The following RNF128 variants were observed in gnomAD, a reference collection of about 807,000 sequenced individuals.
The protein encoded by RNF128 is E3 ubiquitin-protein ligase RNF128.
Under a neutral mutation model 26.2 loss-of-function variants are expected in RNF128, and 13 were observed. The ratio of observed to expected loss-of-function variants is 0.50; its 90% CI spans 0.32 to 0.79. RNF128 has a LOEUF of 0.79. RNF128 is among the 30% of genes least tolerant of loss of function. RNF128 has a pLI of 0.03. For missense variants in RNF128, 315 were observed against 349.7 expected (o/e 0.90, Z 0.79); for synonymous variants, 149 against 142.5 (o/e 1.05, Z -0.32).
At chrX:106,749,029 G>T (rs1929834596) in intron 1 of RNF128, among the ~76,000 whole-genome samples, 1 of 111,098 alleles carries the variant, frequency 9.0e-6, no homozygotes, top group East Asian at 2.8e-4. Context: ...TTTAAAAAAG[G>T]AAGTGAATTT....
intron 3 of RNF128, among the ~76,000 whole-genome samples, chrX:106,785,951 A>T (rs187296807): frequency 8.9e-6 from 1 of 111,930 alleles, no homozygotes; most frequent in Non-Finnish European, 1.9e-5. Flanking sequence ...AACATATACC[A>T]TGTTCATGGG....
At chrX:106,736,365 A>T (rs1929596102) in intron 1 of RNF128, among the ~76,000 whole-genome samples, 1 of 111,580 alleles carries the variant, frequency 9.0e-6, no homozygotes, top group Admixed American at 9.6e-5. Context: ...TTTTCCTCTT[A>T]GAATGTATTT....
At chrX:106,732,050 A>G (rs1372686339) in intron 1 of RNF128, among the ~76,000 whole-genome samples, 1 of 111,504 alleles carries the variant, frequency 9.0e-6, no homozygotes, top group Non-Finnish European at 1.9e-5. Flanking sequence ...AAAGCTTTAT[A>G]TGTCTCTTCT....
rs1374630839 is a variant in RNF128 at position 106,727,024 on chromosome X, G to C, written c.111G>C (p.Arg37=). 12 of 1,205,072 alleles carry C rather than the reference G, an allele frequency of 1.0e-5. No individual in the cohort carries two copies. The highest frequency in any genetic ancestry group is 1.3e-5 in the Non-Finnish European group (12 of 893,020). The change falls in exon 1 of 7, where the codon CGG becomes CGC. Residue 37 remains arginine, a synonymous_variant. Transcript: ENST00000255499. ...LALSPQAPGS[R]GAEAVWTAYL... is the part of the protein sequence containing the mutation. ...TGAGTCCGCAGGCACCCGGTTCCCGGGGGGCTGAAGCAGTGTGGACCGCGT... is the reference window on the plus strand; with the variant it reads ...TGAGTCCGCAGGCACCCGGTTCCCGCGGGGCTGAAGCAGTGTGGACCGCGT...
chrX:106,786,077 C>G (rs1223347237), intron 3 of RNF128, among the ~76,000 whole-genome samples: 1 of 111,630 alleles, frequency 9.0e-6, no homozygotes, highest in African/African-American at 3.3e-5. Context: ...CAGGCTGATT[C>G]TAAGCTTAGA....
chrX:106,793,607 T>C (rs1930865097), intron 6 of RNF128, among the ~76,000 whole-genome samples: 1 of 111,507 alleles, frequency 9.0e-6, no homozygotes, highest in Admixed American at 9.6e-5. Flanking sequence ...TTGCATTTAA[T>C]TGTCATGTGT....
intron 1 of RNF128, among the ~76,000 whole-genome samples, chrX:106,770,172 T>G (rs1038867165): frequency 7.2e-5 from 8 of 111,778 alleles, no homozygotes; most frequent in Non-Finnish European, 1.5e-4. Flanking sequence ...CTGGCTGCCC[T>G]TAACATTTTT....
intron 2 of RNF128, 147 bp downstream of exon 2, chrX:106,773,307 A>G: frequency 1.8e-6 from 1 of 565,395 alleles, no homozygotes; most frequent in Non-Finnish European, 2.7e-6. Context: ...AAAGTATGTC[A>G]GCTCTTCTCA....
chrX:106,750,204 G>C (rs73638919), intron 1 of RNF128, among the ~76,000 whole-genome samples: 232 of 112,058 alleles, frequency 2.1e-3, no homozygotes, highest in African/African-American at 7.2e-3. Flanking sequence ...CATGGAAACT[G>C]GCACACACTA....
At chrX:106,750,084 A>T (rs748877779) in intron 1 of RNF128, among the ~76,000 whole-genome samples, 1 of 111,706 alleles carries the variant, frequency 9.0e-6, no homozygotes, top group South Asian at 3.7e-4. Context: ...TGAATAATCA[A>T]TTGTACTTAA....
chrX:106,778,277 A>G (rs1357613458), intron 2 of RNF128, among the ~76,000 whole-genome samples: 1 of 111,905 alleles, frequency 8.9e-6, no homozygotes, highest in Admixed American at 9.5e-5. Flanking sequence ...CTGTATAGTA[A>G]CTATACTGAC....
rs140168740 is a variant in RNF128, at chrX:106,702,514, G to A, written c.406+8106G>A. On this transcript the variant is annotated intron_variant, in intron 1 of 6. Coordinates refer to the RNF128 transcript ENST00000324342. ...TACTTCCTCTTAAGTACTCTCTGTC[G>A]CTCTCATTTCAGCAGTCCTCAGTTC... Among the ~76,000 whole-genome samples the A allele has an allele frequency of 9.2e-4, 102 of 111,059 alleles. 1 individual carries two copies. The East Asian group carries it at 0.018, about 20-fold the overall frequency.
At chrX:106,753,022 C>CA (rs1194555319) in intron 1 of RNF128, among the ~76,000 whole-genome samples, 1 of 110,316 alleles carries the variant, frequency 9.1e-6, no homozygotes, top group African/African-American at 3.3e-5. Context: ...TCAGAGGAGA[C>CA]AAAAAAAGAA....
intron 2 of RNF128, among the ~76,000 whole-genome samples, chrX:106,777,557 C>G (rs143450595): frequency 0.015 from 1,712 of 111,880 alleles, 33 homozygotes; most frequent in African/African-American, 0.051. Flanking sequence ...CACTTTTACA[C>G]GGATATTCTT....
intron 2 of RNF128, among the ~76,000 whole-genome samples, chrX:106,778,351 T>C (rs1163617430): frequency 2.7e-5 from 3 of 112,360 alleles, no homozygotes; most frequent in Non-Finnish European, 5.6e-5. Context: ...CTGAAAGTTT[T>C]ATTATAAAAA....
intron 1 of RNF128, among the ~76,000 whole-genome samples, chrX:106,764,898 A>G (rs1008060159): frequency 1.9e-4 from 21 of 111,795 alleles, no homozygotes; most frequent in African/African-American, 6.8e-4. Context: ...AAAGACAAAT[A>G]ATGTCTGTGA....
intron 3 of RNF128, among the ~76,000 whole-genome samples, chrX:106,786,560 A>C (rs980688595): frequency 9.0e-6 from 1 of 111,674 alleles, no homozygotes; most frequent in African/African-American, 3.2e-5. Flanking sequence ...TATTTCTTAG[A>C]TATAACTCCA....
chrX:106,742,939 G>C (rs1199802565), intron 1 of RNF128, among the ~76,000 whole-genome samples: 1 of 111,064 alleles, frequency 9.0e-6, no homozygotes, highest in African/African-American at 3.3e-5. Context: ...ATATACATGT[G>C]TATATATACA....
At chrX:106,726,611 G>T, upstream of RNF128, 9 of 895,210 alleles carry the variant, frequency 1.0e-5, no homozygotes, top group Non-Finnish European at 1.2e-5. Context: ...GGCGGATCCC[G>T]CAGTGTCCTT....
Sources: gnomAD v4.1 joint callset for allele counts (sites outside exome capture counted in the v4.1 genomes callset) on GRCh38, gnomAD v4.1.1 for gene constraint, MANE v1.5 for transcripts, NCBI Gene and HGNC (gene_info 2026-07-23, HGNC 2026-07-21) for gene names.